Variants in TRHDE observed in about 807,000 individuals in gnomAD.
The protein encoded by TRHDE is thyrotropin-releasing hormone-degrading ectoenzyme.
TRHDE carries 72 observed loss-of-function variants against 125.7 expected under a neutral mutation model. That is an observed-to-expected ratio of 0.57 (90% CI 0.47 to 0.70). The LOEUF is 0.70. TRHDE is among the 30% of genes least tolerant of loss of function. The pLI is 0.00. For synonymous variants in TRHDE, 509 were observed against 509.1 expected, an observed-to-expected ratio of 1.00 and a Z score of 0.00; for missense variants, 1,110 against 1,327.1, an observed-to-expected ratio of 0.84 and a Z score of 2.54.
intron 5 of TRHDE, among the ~76,000 whole-genome samples, chr12:72,487,953 A>G (rs1314981260): frequency 1.3e-5 from 2 of 152,146 alleles, no homozygotes; most frequent in African/African-American, 2.4e-5. Flanking sequence ...GCTTAAAACA[A>G]TTGATTATAA....
intron 2 of TRHDE, among the ~76,000 whole-genome samples, chr12:72,304,372 T>A (rs1868307920): frequency 6.6e-6 from 1 of 152,180 alleles, no homozygotes; most frequent in African/African-American, 2.4e-5. Context: ...CAGAGGGAGC[T>A]TGATGTTATT....
chr12:72,203,341 G>A (rs572429565), intron 2 of TRHDE, among the ~76,000 whole-genome samples: 3 of 152,264 alleles, frequency 2.0e-5, no homozygotes, highest in South Asian at 4.1e-4. Context: ...GGTGGCAGGC[G>A]CCTGTAGTCC....
intron 2 of TRHDE, among the ~76,000 whole-genome samples, chr12:72,223,552 C>G (rs1004883898): frequency 6.6e-6 from 1 of 152,064 alleles, no homozygotes; most frequent in African/African-American, 2.4e-5. Flanking sequence ...CATAGAATCT[C>G]CCTTGTTCAG....
intron 2 of TRHDE, among the ~76,000 whole-genome samples, chr12:72,130,027 C>T (rs1261830604): frequency 5.3e-5 from 8 of 152,154 alleles, no homozygotes; most frequent in South Asian, 2.1e-4. Context: ...TTAGACTGGG[C>T]GCGGTGGCTC....
At chr12:72,369,727 A>C (rs749411124) in intron 2 of TRHDE, among the ~76,000 whole-genome samples, 1 of 152,104 alleles carries the variant, frequency 6.6e-6, no homozygotes, top group East Asian at 1.9e-4. Context: ...TCCTAGTGTA[A>C]TGTCCTTTCC....
intron 18 of TRHDE, among the ~76,000 whole-genome samples, chr12:72,660,209 C>T (rs915739002): frequency 2.0e-5 from 3 of 152,200 alleles, no homozygotes; most frequent in African/African-American, 7.2e-5. Flanking sequence ...TCAAGACTTT[C>T]ACTATTTCTT....
intron 3 of TRHDE, among the ~76,000 whole-genome samples, chr12:72,457,934 C>T (rs916366343): frequency 1.3e-5 from 2 of 152,140 alleles, no homozygotes; most frequent in Admixed American, 1.3e-4. Context: ...GTGAATCTGT[C>T]AATTAAAGAG....
rs1250890358 is a variant in TRHDE at position 72,430,343 on chromosome 12, A to C, written c.1316-39415A>C. Among the ~76,000 whole-genome samples, 3 of 145,862 alleles carry C rather than the reference A, an allele frequency of 2.1e-5. No individual in the cohort carries two copies. In the Admixed American group the frequency reaches 2.1e-4, roughly 10 times the overall value. On this transcript the variant is annotated intron_variant, in intron 3 of 18. Coordinates refer to ENST00000261180, the MANE Select transcript of TRHDE (RefSeq NM_013381.3). ...CATGTATACATATATACATGTATAT[A>C]TACATGTATACATATATACATATAT... is the stretch of plus-strand genomic sequence containing the variant.
At chr12:72,335,691 G>A (rs1455030277) in intron 2 of TRHDE, among the ~76,000 whole-genome samples, 5 of 152,318 alleles carry the variant, frequency 3.3e-5, no homozygotes, top group Admixed American at 2.0e-4. Context: ...CACTTGAACT[G>A]ATTGAATGAA....
chr12:72,363,447 G>C, intron 2 of TRHDE, among the ~76,000 whole-genome samples: 1 of 151,878 alleles, frequency 6.6e-6, no homozygotes, highest in East Asian at 1.9e-4. Flanking sequence ...TCATCCCTGG[G>C]ATGCAAGGCT....
chr12:72,320,543 CTGTG>C (rs59244019), intron 2 of TRHDE, among the ~76,000 whole-genome samples: 3,273 of 143,144 alleles, frequency 0.023, 76 homozygotes, highest in African/African-American at 0.065. Flanking sequence ...AGAGGGTTGA[CTGTG>C]TGTGTGTGTG....
At chr12:72,435,845 G>A (rs890100393) in intron 3 of TRHDE, among the ~76,000 whole-genome samples, 1 of 151,882 alleles carries the variant, frequency 6.6e-6, no homozygotes, top group Non-Finnish European at 1.5e-5. Flanking sequence ...ATGAAAACCA[G>A]TTCCCAAGGA....
chr12:72,444,382 T>A (rs969182423), intron 3 of TRHDE, among the ~76,000 whole-genome samples: 1 of 151,852 alleles, frequency 6.6e-6, no homozygotes, highest in African/African-American at 2.4e-5. Flanking sequence ...AAGTTCTGCT[T>A]AATTTTTTTA....
intron 3 of TRHDE, among the ~76,000 whole-genome samples, chr12:72,384,277 A>G (rs985751148): frequency 2.0e-5 from 3 of 152,300 alleles, no homozygotes; most frequent in Non-Finnish European, 4.4e-5. Flanking sequence ...TGCTTTTATG[A>G]AGAATTCATT....
chr12:72,208,259 G>C (rs1271134374), intron 2 of TRHDE, among the ~76,000 whole-genome samples: 1 of 151,910 alleles, frequency 6.6e-6, no homozygotes, highest in Non-Finnish European at 1.5e-5. Flanking sequence ...ACATTCAAGA[G>C]TCAAATCTCC....
chr12:72,663,104 G>A lies in TRHDE; in HGVS notation c.3119G>A (p.Arg1040Gln), dbSNP rs1348583409. Residue 1040 changes from arginine to glutamine, a missense_variant, in exon 19 of 19, where the codon CGA (arginine) becomes CAA (glutamine). By Grantham distance (43) the Arg-to-Gln change is conservative. Around this residue, in one of 5 missense-constraint regions of TRHDE, gnomAD observed 527 missense variants for 651.8 expected, o/e 0.81. Coordinates refer to ENST00000261180, the MANE Select transcript of TRHDE (RefSeq NM_013381.3). ...YDGVAAASFS[R>Q]AVETVEANVR... ...GGGGTAGCTGCTGCTTCTTTCTCAC[G>A]AGCTGTGGAAACTGTCGAAGCCAAT... is the stretch of plus-strand genomic sequence containing the variant. 5.6e-6 allele frequency: 9 copies of A among 1,612,988 alleles called. No individual in the cohort carries two copies. The highest frequency in any genetic ancestry group is 4.5e-5 in the East Asian group (2 of 44,824).
At chr12:72,372,724 G>T (rs1314416155) in intron 2 of TRHDE, among the ~76,000 whole-genome samples, 1 of 152,094 alleles carries the variant, frequency 6.6e-6, no homozygotes, top group Non-Finnish European at 1.5e-5. Context: ...ATTTCTGAGG[G>T]CTCTGTTCTG....
rs755855116 is a variant in TRHDE, at chr12:72,272,977, G to A, written c.334G>A (p.Glu112Lys). The A allele has an allele frequency of 6.4e-7, 1 of 1,560,158 alleles. No homozygotes were observed. The highest frequency in any genetic ancestry group is 1.3e-5 in the African/African-American group (1 of 74,244). ...TGTGCTGCTCAGCCTGCGCTTCGACGAGTGCGGGGCGAGTGCCACGCCAGG... is the reference window on the plus strand; with the variant it reads ...TGTGCTGCTCAGCCTGCGCTTCGACAAGTGCGGGGCGAGTGCCACGCCAGG... ...LAVLLSLRFD[E>K]CGASATPGAD... Residue 112 changes from glutamate (E) to lysine (K), a missense_variant, in exon 1 of 19, where the codon GAG becomes AAG. Coordinates refer to ENST00000261180, the MANE Select transcript of TRHDE (RefSeq NM_013381.3). The surrounding 1 kb of genome is among the most constrained non-coding windows in gnomAD (Gnocchi z 6.7).
intron 6 of TRHDE, among the ~76,000 whole-genome samples, chr12:72,540,989 A>G (rs1869119328): frequency 1.3e-5 from 2 of 151,642 alleles, no homozygotes; most frequent in Admixed American, 1.3e-4. Flanking sequence ...GTATTGCACT[A>G]CATTCAAGTC....
Sources: gnomAD v4.1 joint callset for allele counts (sites outside exome capture counted in the v4.1 genomes callset) on GRCh38, gnomAD v4.1.1 for gene constraint, gnomAD v4.1.1 regional missense constraint, Gnocchi (gnomAD v3.1) non-coding constraint, MANE v1.5 for transcripts, NCBI Gene and HGNC (gene_info 2026-07-23, HGNC 2026-07-21) for gene names.